BTBD9: variants seen among roughly 807,000 people sequenced by gnomAD.
The protein encoded by BTBD9 is BTB domain containing 9.
In BTBD9, 49 loss-of-function variants were observed where a neutral mutation model predicts 64.3. That is an observed-to-expected ratio of 0.76 (90% confidence interval 0.61 to 0.97). The LOEUF (loss-of-function observed/expected upper bound fraction) is 0.97, where lower values mean the gene tolerates loss of function less well. Ranked by LOEUF, BTBD9 falls within the 50% of genes least tolerant of loss-of-function variation. The pLI is 0.00. For missense variants in BTBD9, 598 were observed against 762.1 expected, an observed-to-expected ratio of 0.78 and a Z score of 2.53; for synonymous variants, 260 against 274.7, an observed-to-expected ratio of 0.95 and a Z score of 0.53.
intron 6 of BTBD9, among the ~76,000 whole-genome samples, chr6:38,413,499 C>T (rs1267438425): frequency 6.6e-6 from 1 of 152,160 alleles, no homozygotes; most frequent in African/African-American, 2.4e-5. Flanking sequence ...GTTTGCAAGG[C>T]CTGTTTTACA....
At chr6:38,315,948 T>C (rs972948059) in intron 7 of BTBD9, among the ~76,000 whole-genome samples, 10 of 152,210 alleles carry the variant, frequency 6.6e-5, no homozygotes, top group African/African-American at 2.2e-4. Flanking sequence ...AGTCTCTCTC[T>C]TTAGCTCTAA....
chr6:38,580,140 G>C, intron 5 of BTBD9, 78 bp downstream of exon 5: 1 of 1,388,280 alleles, frequency 7.2e-7, no homozygotes. Context: ...CATCATATCT[G>C]TAAAACAAAA....
intron 1 of BTBD9, among the ~76,000 whole-genome samples, chr6:38,622,536 A>C (rs1048992201): frequency 2.0e-5 from 3 of 152,136 alleles, no homozygotes; most frequent in Non-Finnish European, 1.5e-5. Context: ...CTCAGGCCCC[A>C]TCTCTGATAG....
intron 6 of BTBD9, among the ~76,000 whole-genome samples, chr6:38,374,320 T>TATATATATATAC (rs1765593352): frequency 6.1e-5 from 7 of 114,418 alleles, no homozygotes; most frequent in African/African-American, 2.1e-4. Context: ...TATATATATA[T>TATATATATATAC]ATATATGTAT....
At chr6:38,592,372 A>G (rs1776833896) in intron 4 of BTBD9, among the ~76,000 whole-genome samples, 1 of 152,100 alleles carries the variant, frequency 6.6e-6, no homozygotes. Context: ...AGAAATACCT[A>G]TTTGGGGGTC....
At position 38,480,830 on chromosome 6, in the gene BTBD9, C is replaced by CA. The variant is rs142088927; in HGVS notation, c.1154+96769dup. Among the ~76,000 whole-genome samples the CA allele has an allele frequency of 1.9e-3, 285 of 152,058 alleles. 1 individual carries two copies. The highest frequency in any genetic ancestry group is 6.5e-3 in the African/African-American group (270 of 41,352). ...TACCCAAGATTTGGCGCTTCCCAAA[C>CA]AGACTGTAGTGTTGGTAGACAGCAT... On this transcript the variant is annotated intron_variant, in intron 6 of 10. Transcript: ENST00000481247.
intron 6 of BTBD9, among the ~76,000 whole-genome samples, chr6:38,512,292 G>C (rs1772812131): frequency 6.6e-6 from 1 of 152,050 alleles, no homozygotes; most frequent in African/African-American, 2.4e-5. Flanking sequence ...TTTTAAAAAA[G>C]GAAAGGGATA....
intron 6 of BTBD9, among the ~76,000 whole-genome samples, chr6:38,437,506 A>G (rs79436773): frequency 1.3e-5 from 2 of 152,236 alleles, no homozygotes; most frequent in Non-Finnish European, 2.9e-5. Flanking sequence ...TGAAAATAAT[A>G]TATGTCTTTT....
intron 1 of BTBD9, among the ~76,000 whole-genome samples, chr6:38,635,205 G>C (rs868486253): frequency 1.3e-5 from 2 of 151,510 alleles, no homozygotes; most frequent in Non-Finnish European, 1.5e-5. Context: ...GCCTAATCTC[G>C]GCTCACTGCA....
chr6:38,579,183 T>C (rs994196149), intron 5 of BTBD9, among the ~76,000 whole-genome samples: 2 of 152,206 alleles, frequency 1.3e-5, no homozygotes, highest in African/African-American at 4.8e-5. Context: ...ACACATCATG[T>C]ACATGGGAAA....
At chr6:38,318,012 G>C (rs1763089256) in intron 7 of BTBD9, among the ~76,000 whole-genome samples, 2 of 141,124 alleles carry the variant, frequency 1.4e-5, no homozygotes, top group African/African-American at 2.7e-5. Flanking sequence ...TCGGCTCATT[G>C]CAACTTCCAC....
chr6:38,587,601 T>A, intron 4 of BTBD9: 1 of 577,286 alleles, frequency 1.7e-6, no homozygotes, highest in Non-Finnish European at 3.3e-6. Context: ...TATTTGTTAA[T>A]GGCCAACGAA....
In BTBD9 at chr6:38,200,521, G is replaced by A. The variant is rs151193185; in HGVS notation, c.1563-7924C>T. 3.8e-3 allele frequency among the ~76,000 whole-genome samples: 582 copies of A among 152,242 alleles called. 2 individuals are homozygous for A. Among genetic ancestry groups the A allele is most frequent in the Middle Eastern group, 0.017 (5 of 294 alleles). ...GATAAACAAAATTGATAAACTGCTA[G>A]CTAGACTAACCAAGAAGACAGAAGA... On this transcript the variant is annotated intron_variant, in intron 9 of 10. Transcript: ENST00000481247.
intron 9 of BTBD9, among the ~76,000 whole-genome samples, chr6:38,212,080 G>C (rs1285502750): frequency 1.3e-5 from 2 of 152,154 alleles, no homozygotes; most frequent in Non-Finnish European, 2.9e-5. Context: ...ATTTAACGTG[G>C]TCCCAGGAGA....
chr6:38,196,824 A>C (rs1762286706), intron 9 of BTBD9, among the ~76,000 whole-genome samples: 1 of 152,226 alleles, frequency 6.6e-6, no homozygotes, highest in African/African-American at 2.4e-5. Context: ...TTTTCCATAG[A>C]AATAAAGCTA....
intron 9 of BTBD9, among the ~76,000 whole-genome samples, chr6:38,245,153 AG>A (rs1449229658): frequency 3.3e-5 from 5 of 152,362 alleles, no homozygotes; most frequent in African/African-American, 1.2e-4. Context: ...TGGATCAAAG[AG>A]TGAGTAAAAC....
chr6:38,610,071 T>C (rs1034071927), intron 1 of BTBD9, among the ~76,000 whole-genome samples: 2 of 152,204 alleles, frequency 1.3e-5, no homozygotes, highest in African/African-American at 4.8e-5. Context: ...AAAAAATAAA[T>C]TGTGGTTAAT....
chr6:38,339,911 T>G (rs1375634996), intron 7 of BTBD9, among the ~76,000 whole-genome samples: 1 of 152,188 alleles, frequency 6.6e-6, no homozygotes, highest in Non-Finnish European at 1.5e-5. Context: ...TTACTGTATA[T>G]TTCTAGAGAC....
Position 38,379,038 on chromosome 6 carries a change from C to A in BTBD9, c.1155-33945G>T, listed in dbSNP as rs80220051. ...TTAAGTATGAATAACTAGGCTACAGCAAATTAATAATTTTCCAGGCATACC... is the reference window on the plus strand; with the variant it reads ...TTAAGTATGAATAACTAGGCTACAGAAAATTAATAATTTTCCAGGCATACC... On this transcript the variant is annotated intron_variant, in intron 6 of 10. Coordinates refer to ENST00000481247, the MANE Select transcript of BTBD9 (RefSeq NM_001099272.2). Among the ~76,000 whole-genome samples, 17 of 152,176 alleles carry A rather than the reference C, an allele frequency of 1.1e-4. No homozygotes were observed. The East Asian group carries it at 2.9e-3, about 26-fold the overall frequency.
Sources: gnomAD v4.1 joint callset for allele counts (sites outside exome capture counted in the v4.1 genomes callset) on GRCh38, gnomAD v4.1.1 for gene constraint, MANE v1.5 for transcripts, NCBI Gene and HGNC (gene_info 2026-07-23, HGNC 2026-07-21) for gene names.